ERICH6B: variants seen among roughly 807,000 people sequenced by gnomAD.
ERICH6B encodes glutamate rich 6B.
ERICH6B carries 69 observed loss-of-function variants against 80.0 expected under a neutral mutation model. That is an observed-to-expected ratio of 0.86 (90% CI 0.71 to 1.05). ERICH6B has a LOEUF of 1.05. Ranked by LOEUF, ERICH6B falls within the 50% of genes least tolerant of loss-of-function variation. The pLI, the probability that ERICH6B is intolerant of heterozygous loss-of-function variation, is 0.00. For missense variants in ERICH6B, 754 were observed against 796.1 expected (o/e 0.95, Z 0.64); for synonymous variants, 283 against 291.9 (o/e 0.97, Z 0.31).
chr13:45,574,304 C>G (rs1458755123), intron 8 of ERICH6B, among the ~76,000 whole-genome samples: 2 of 152,158 alleles, frequency 1.3e-5, no homozygotes, highest in Non-Finnish European at 2.9e-5. Flanking sequence ...TAGTCTACCC[C>G]CATAGGCAAA....
chr13:45,604,420 C>T (rs11843831), intron 2 of ERICH6B, among the ~76,000 whole-genome samples: 4 of 152,142 alleles, frequency 2.6e-5, no homozygotes, highest in Non-Finnish European at 5.9e-5. Flanking sequence ...TCCATCCATC[C>T]GTCAGGGGAG....
chr13:45,564,564 C>T (rs897486290), intron 9 of ERICH6B, among the ~76,000 whole-genome samples: 5 of 152,224 alleles, frequency 3.3e-5, no homozygotes, highest in African/African-American at 1.2e-4. Flanking sequence ...AGGAAGCAAA[C>T]ATCCTTTGCT....
chr13:45,557,291 T>C (rs1306072443), intron 11 of ERICH6B, among the ~76,000 whole-genome samples: 9 of 152,188 alleles, frequency 5.9e-5, no homozygotes, highest in Admixed American at 5.9e-4. Context: ...TTTTTTTTCT[T>C]GCTAATTTGT....
chr13:45,558,643 G>T (rs1220581230), intron 11 of ERICH6B, among the ~76,000 whole-genome samples: 1 of 152,146 alleles, frequency 6.6e-6, no homozygotes, highest in Non-Finnish European at 1.5e-5. Context: ...TAATTATAAA[G>T]GGATTCTGGA....
In ERICH6B at chr13:45,574,848, A is replaced by T; in HGVS notation, c.1044T>A (p.Asp348Glu). The T allele has an allele frequency of 6.5e-7, 1 of 1,550,298 alleles. No homozygotes were observed. The highest frequency in any genetic ancestry group is 8.7e-7 in the Non-Finnish European group (1 of 1,146,280). The change falls in exon 8 of 15, where the codon GAT becomes GAA. Residue 348 changes from aspartate to glutamate, a missense_variant. By Grantham distance (45) the Asp-to-Glu change is conservative. Transcript: ENST00000298738. ...SIDKLEVEDL[D>E]ENFLNSSYQT... ...AAGTTTTTATCCAACTTACGTTTTCATCTAAATCTTCCACTTCCAGCTTGT... is the reference window on the plus strand; with the variant it reads ...AAGTTTTTATCCAACTTACGTTTTCTTCTAAATCTTCCACTTCCAGCTTGT...
At chr13:45,600,233 C>T (rs951671630) in intron 2 of ERICH6B, among the ~76,000 whole-genome samples, 3 of 152,224 alleles carry the variant, frequency 2.0e-5, no homozygotes, top group Admixed American at 6.5e-5. Context: ...TAAGACAGAG[C>T]TGGGATGGCT....
intron 1 of ERICH6B, among the ~76,000 whole-genome samples, chr13:45,610,636 G>A (rs531715234): frequency 1.3e-5 from 2 of 152,298 alleles, no homozygotes; most frequent in South Asian, 2.1e-4. Context: ...GCTATATGGT[G>A]TAGCCTATTG....
chr13:45,596,482 T>G lies in ERICH6B; in HGVS notation c.524A>C (p.Tyr175Ser). 1 of 1,551,744 alleles carries G rather than the reference T, an allele frequency of 6.4e-7. No homozygotes were observed. The highest frequency in any genetic ancestry group is 8.7e-7 in the Non-Finnish European group (1 of 1,146,674). Residue 175 changes from tyrosine to serine, a missense_variant, in exon 3 of 15, where the codon TAT becomes TCT. Physicochemically the swap from Tyr to Ser is moderately radical, Grantham distance 144. Transcript: ENST00000298738. Reference sequence around the variant, plus strand: ...CTCCAGAGCCTTTTCCTCTTCTAGATATGATTTCTTCCCCAGATACTCCTC... The same window carrying G: ...CTCCAGAGCCTTTTCCTCTTCTAGAGATGATTTCTTCCCCAGATACTCCTC... ...EEEEYLGKKS[Y>S]LEEEKALEKE...
intron 4 of ERICH6B, among the ~76,000 whole-genome samples, chr13:45,590,169 C>T (rs953376011): frequency 8.6e-5 from 13 of 151,710 alleles, no homozygotes; most frequent in African/African-American, 3.2e-4. Flanking sequence ...CACAGAGGCT[C>T]TCTTATTCCA....
chr13:45,598,596 T>A (rs1876501433), intron 2 of ERICH6B, among the ~76,000 whole-genome samples: 1 of 151,920 alleles, frequency 6.6e-6, no homozygotes, highest in Non-Finnish European at 1.5e-5. Context: ...AGATGAGAGG[T>A]GTGATGGACA....
At chr13:45,592,310 C>T (rs1193752118) in intron 3 of ERICH6B, among the ~76,000 whole-genome samples, 3 of 152,238 alleles carry the variant, frequency 2.0e-5, no homozygotes, top group Non-Finnish European at 4.4e-5. Context: ...CTCTGGGGCT[C>T]AGCGTTCCCC....
rs1377298229 is a variant in ERICH6B at position 45,550,282 on chromosome 13, G to A, written c.1442C>T (p.Pro481Leu). 7.7e-6 allele frequency: 12 copies of A among 1,551,470 alleles called. No homozygotes were observed. The highest frequency in any genetic ancestry group is 2.6e-6 in the Non-Finnish European group (3 of 1,146,930). The part of the protein sequence containing the change: ...HQGDGKLILY[P>L]NKNVYQILFP... Reference sequence around the variant, plus strand: ...GAGAATTTGATAGACATTCTTGTTGGGGTAGAGAATTAATTTTCCATCACC... The same window carrying A: ...GAGAATTTGATAGACATTCTTGTTGAGGTAGAGAATTAATTTTCCATCACC... The change falls in exon 12 of 15, where the codon CCC becomes CTC. Residue 481 changes from proline to leucine, a missense_variant. Physicochemically the swap from Pro to Leu is moderately conservative, Grantham distance 98. Transcript: ENST00000298738.
intron 7 of ERICH6B, among the ~76,000 whole-genome samples, chr13:45,577,274 A>ACCTTTTTTTTTTTTTTTTTTTTTT (rs1566295865): frequency 9.0e-6 from 1 of 110,792 alleles, no homozygotes; most frequent in African/African-American, 4.0e-5. Flanking sequence ...TTAAAAACAA[A>ACCTTTTTTTTTTTTTTTTTTTTTT]TCTTTTTTTT....
chr13:45,587,036 T>A (rs1206118649), intron 5 of ERICH6B, 27 bp downstream of exon 5: 1 of 1,545,984 alleles, frequency 6.5e-7, no homozygotes, highest in Non-Finnish European at 8.7e-7. Context: ...CGGCTGCGCC[T>A]CACCGACAGA....
In ERICH6B at chr13:45,568,382, C is replaced by T. The variant is rs549553603; in HGVS notation, c.1120G>A (p.Glu374Lys). 2 of 1,549,302 alleles carry T rather than the reference C, an allele frequency of 1.3e-6. No homozygotes were observed. Among genetic ancestry groups the T allele is most frequent in the African/African-American group, 1.4e-5 (1 of 73,056 alleles). ...GTTAGGGGAATGTCAAAATCCTCTT[C>T]CAGTTCATTGTGAGCAGCCATTTCT... ...IKEMAAHNEL[E>K]EDFDIPLTKL... The change falls in exon 9 of 15, where the codon GAA becomes AAA. Residue 374 changes from glutamate to lysine, a missense_variant. Physicochemically the swap from Glu to Lys is moderately conservative, Grantham distance 56. Coordinates refer to ENST00000298738, the MANE Select transcript of ERICH6B (RefSeq NM_182542.3).
At chr13:45,593,914 A>T (rs1876257599) in intron 3 of ERICH6B, among the ~76,000 whole-genome samples, 1 of 152,228 alleles carries the variant, frequency 6.6e-6, no homozygotes, top group Non-Finnish European at 1.5e-5. Flanking sequence ...CTCATTTTAT[A>T]GATGCCAATT....
At chr13:45,609,647 C>T (rs1247811891) in intron 1 of ERICH6B, among the ~76,000 whole-genome samples, 1 of 152,188 alleles carries the variant, frequency 6.6e-6, no homozygotes, top group Non-Finnish European at 1.5e-5. Context: ...AAATTAGTAA[C>T]TGAGTGATTA....
chr13:45,544,770 G>C lies in ERICH6B; in HGVS notation c.1862C>G (p.Thr621Ser). 2.6e-6 allele frequency: 4 copies of C among 1,551,636 alleles called. No individual in the cohort carries two copies. Among genetic ancestry groups the C allele is most frequent in the Non-Finnish European group, 3.5e-6 (4 of 1,146,982 alleles). ...EQKQICLNLGTRYKFVIPEVL... is the reference protein window; with the variant it reads ...EQKQICLNLGSRYKFVIPEVL... ...GAGTTGTGACCTTACCTTGTACCTGGTGCCCAGGTTTAAACAAATCTGCTT... is the reference window on the plus strand; with the variant it reads ...GAGTTGTGACCTTACCTTGTACCTGCTGCCCAGGTTTAAACAAATCTGCTT... Residue 621 changes from threonine (T) to serine (S), a missense_variant, in exon 14 of 15, where the codon ACC becomes AGC. Physicochemically the swap from Thr to Ser is moderately conservative, Grantham distance 58 (BLOSUM62 1). Coordinates refer to ENST00000298738, the MANE Select transcript of ERICH6B (RefSeq NM_182542.3).
Position 45,561,361 on chromosome 13 carries a change from C to T in ERICH6B, c.1407+8G>A, listed in dbSNP as rs1234601168. On this transcript the variant is annotated splice_region_variant and intron_variant, in intron 11 of 14. Transcript: ENST00000298738. ...AAGTAAAAAACAGCAATGTACTGTC[C>T]CTCTTACCACTGTCTTCTTCTGTAT... The T allele has an allele frequency of 7.7e-6, 12 of 1,551,370 alleles. No homozygotes were observed. The highest frequency in any genetic ancestry group is 1.2e-5 in the South Asian group (1 of 83,934).
Sources: allele counts gnomAD v4.1 joint callset (sites outside exome capture counted in the v4.1 genomes callset), GRCh38; gene constraint gnomAD v4.1.1; transcripts MANE v1.5; gene names NCBI Gene and HGNC (gene_info 2026-07-23, HGNC 2026-07-21).